KLHL10: variants seen among roughly 807,000 people sequenced by gnomAD.
KLHL10 encodes kelch-like protein 10.
KLHL10 carries 11 observed loss-of-function variants against 46.6 expected under a neutral mutation model. That is an observed-to-expected ratio of 0.24 (90% CI 0.15 to 0.39). KLHL10 has a LOEUF of 0.39. Among genes scored for constraint, KLHL10 ranks in the 10% least tolerant of loss-of-function variants. KLHL10 has a pLI of 1.00. For synonymous variants in KLHL10, 254 were observed against 279.1 expected, an observed-to-expected ratio of 0.91 and a Z score of 0.90; for missense variants, 475 against 789.8, an observed-to-expected ratio of 0.60 and a Z score of 4.78.
upstream of KLHL10, chr17:41,836,034 C>T (rs1555619950): frequency 1.4e-6 from 2 of 1,440,236 alleles, no homozygotes; most frequent in Non-Finnish European, 1.8e-6. Context: ...CGCTCGGGCG[C>T]GCGTGTGAGG....
rs1163494467 is a variant in KLHL10, at chr17:41,842,182, A to G, written c.554A>G (p.Glu185Gly). Residue 185 changes from glutamate (E) to glycine (G), a missense_variant, in exon 2 of 5, where the codon GAA (glutamate) becomes GGA (glycine). Physicochemically the swap from Glu to Gly is moderately conservative, Grantham distance 98. Coordinates refer to ENST00000293303, the MANE Select transcript of KLHL10 (RefSeq NM_152467.5). ...SAEFLELSVT[E>G]LKDIIEKDEL... ...GAATTTTTAGAGCTCTCGGTCACTG[A>G]ACTTAAGGATATCATTGAGAAAGAT... 6.2e-7 allele frequency: 1 copy of G among 1,614,196 alleles called. No homozygotes were observed. Among genetic ancestry groups the G allele is most frequent in the Admixed American group, 1.7e-5 (1 of 60,016 alleles).
At chr17:41,847,470 G>A in intron 4 of KLHL10, 60 bp downstream of exon 4, 2 of 1,564,296 alleles carry the variant, frequency 1.3e-6, no homozygotes, top group Non-Finnish European at 1.8e-6. Flanking sequence ...TTTTGTATTA[G>A]TAAATGGGTT....
intron 1 of KLHL10, among the ~76,000 whole-genome samples, chr17:41,840,146 C>G (rs1485021433): frequency 6.6e-6 from 1 of 152,150 alleles, no homozygotes; most frequent in Non-Finnish European, 1.5e-5. Flanking sequence ...CAGAAATAGA[C>G]CAAATAGTAA....
chr17:41,838,980 C>T (rs1178829143), intron 1 of KLHL10, among the ~76,000 whole-genome samples: 1 of 151,770 alleles, frequency 6.6e-6, no homozygotes, highest in East Asian at 1.9e-4. Flanking sequence ...TTAGCCACCG[C>T]GCCTGGCAAG....
upstream of KLHL10, chr17:41,836,177 C>T (rs2048154991): frequency 7.8e-7 from 1 of 1,285,210 alleles, no homozygotes; most frequent in African/African-American, 1.5e-5. Flanking sequence ...TTCCTCCCTC[C>T]TCACCTCCTC....
At chr17:41,839,693 A>G (rs1462395345) in intron 1 of KLHL10, among the ~76,000 whole-genome samples, 1 of 152,150 alleles carries the variant, frequency 6.6e-6, no homozygotes, top group Non-Finnish European at 1.5e-5. Context: ...TAGACCACAG[A>G]GCAGAGTCCA....
chr17:41,847,500 A>G (rs182695321), intron 4 of KLHL10, 90 bp downstream of exon 4: 42 of 1,441,986 alleles, frequency 2.9e-5, no homozygotes, highest in Non-Finnish European at 4.0e-5. Flanking sequence ...ATTGGTAAGT[A>G]TTTGAAAAGC....
chr17:41,847,182 C>G (rs756857726), intron 3 of KLHL10, 79 bp from the exon 4 acceptor site: 13 of 1,260,772 alleles, frequency 1.0e-5, no homozygotes, highest in Non-Finnish European at 1.5e-5. Context: ...GAATTAAGTG[C>G]CCACTACCAC....
At chr17:41,845,896 T>C in intron 3 of KLHL10, 153 bp downstream of exon 3, 1 of 949,380 alleles carries the variant, frequency 1.1e-6, no homozygotes, top group Non-Finnish European at 1.6e-6. Flanking sequence ...TAGTTGCAAC[T>C]GTCTTTTATG....
chr17:41,837,885 T>C lies in KLHL10; in HGVS notation c.-48T>C, dbSNP rs782813974. ...TGGCTAAAGGGGCCCCCCACAACCCTCCCCGACACCCTAGGAAAGCAGCCT... is the reference window on the plus strand; with the variant it reads ...TGGCTAAAGGGGCCCCCCACAACCCCCCCCGACACCCTAGGAAAGCAGCCT... On this transcript the variant is annotated 5_prime_UTR_variant, in exon 1 of 5. Transcript: ENST00000293303. 6.2e-7 allele frequency: 1 copy of C among 1,610,808 alleles called. No individual in the cohort carries two copies. The highest frequency in any genetic ancestry group is 2.2e-5 in the East Asian group (1 of 44,858).
chr17:41,840,995 T>C (rs1490630323), intron 1 of KLHL10, among the ~76,000 whole-genome samples: 2 of 151,588 alleles, frequency 1.3e-5, no homozygotes, highest in African/African-American at 4.8e-5. Flanking sequence ...CAAAAATCAG[T>C]TGAGCGTGGT....
chr17:41,848,192 T>TAGTA lies in KLHL10; in HGVS notation c.1713_1716dup (p.Pro573SerfsTer8). On this transcript the variant is annotated frameshift_variant, in exon 5 of 5. Transcript: ENST00000293303. LOFTEE classifies it high-confidence loss of function. ...TACCGCAGTGCTCTGAGCTGCTGTG[T>TAGTA]AGTACCAGGGCTGGCCAATGTTGAG... 6 of 1,614,170 alleles carry TAGTA rather than the reference T, an allele frequency of 3.7e-6. No homozygotes were observed. Among genetic ancestry groups the TAGTA allele is most frequent in the Non-Finnish European group, 5.1e-6 (6 of 1,180,042 alleles).
chr17:41,836,131 G>A, upstream of KLHL10: 1 of 1,322,748 alleles, frequency 7.6e-7, no homozygotes, highest in Non-Finnish European at 9.6e-7. Flanking sequence ...GAAGCGCCCC[G>A]GGGGTCGGAG....
chr17:41,838,159 G>T, intron 1 of KLHL10, 33 bp downstream of exon 1: 1 of 1,537,414 alleles, frequency 6.5e-7, no homozygotes, highest in Non-Finnish European at 9.0e-7. Context: ...AGCCAAAGGG[G>T]TAATTGGGCT....
At position 41,848,256 on chromosome 17, in the gene KLHL10, A is replaced by C; in HGVS notation, c.1776A>C (p.Ala592=). 1 of 1,613,820 alleles carries C rather than the reference A, an allele frequency of 6.2e-7. No homozygotes were observed. Among genetic ancestry groups the C allele is most frequent in the South Asian group, 1.1e-5 (1 of 91,074 alleles). Residue 592 remains alanine (A), a synonymous_variant, in exon 5 of 5, where the codon GCA becomes GCC. Coordinates refer to ENST00000293303, the MANE Select transcript of KLHL10 (RefSeq NM_152467.5). ...AARRDNFPGL[A]LRDEVKYSAS... Reference sequence around the variant, plus strand: ...GACGGGACAACTTCCCAGGATTAGCACTGCGAGATGAAGTAAAATATTCTG... The same window carrying C: ...GACGGGACAACTTCCCAGGATTAGCCCTGCGAGATGAAGTAAAATATTCTG...
At position 41,848,129 on chromosome 17, in the gene KLHL10, A is replaced by G. The variant is rs782327120; in HGVS notation, c.1649A>G (p.Lys550Arg). The change falls in exon 5 of 5, where the codon AAG (lysine) becomes AGG (arginine). Residue 550 changes from lysine (K) to arginine (R), a missense_variant. Physicochemically the swap from Lys to Arg is conservative, Grantham distance 26. Coordinates refer to ENST00000293303, the MANE Select transcript of KLHL10 (RefSeq NM_152467.5). ...TTTAATGTTGAGTGCTATGATGAAAAGACCGATGAGTGGTATGATGCTCAT... is the reference window on the plus strand; with the variant it reads ...TTTAATGTTGAGTGCTATGATGAAAGGACCGATGAGTGGTATGATGCTCAT... ...TTFNVECYDE[K>R]TDEWYDAHDM... 5 of 1,614,178 alleles carry G rather than the reference A, an allele frequency of 3.1e-6. No individual in the cohort carries two copies. Among genetic ancestry groups the G allele is most frequent in the Admixed American group, 1.7e-5 (1 of 60,014 alleles).
rs200355741 is a variant in KLHL10 at position 41,842,144 on chromosome 17, G to T, written c.516G>T (p.Val172=). Residue 172 remains valine, a synonymous_variant, in exon 2 of 5, where the codon GTG becomes GTT. Coordinates refer to ENST00000293303, the MANE Select transcript of KLHL10 (RefSeq NM_152467.5). ...MFILHNFEEM[V]KVSAEFLELS... The stretch of plus-strand genomic sequence containing the variant: ...TACTGCACAACTTTGAGGAGATGGT[G>T]AAAGTCTCGGCAGAATTTTTAGAGC... 5.2e-5 allele frequency: 84 copies of T among 1,614,058 alleles called. No individual in the cohort carries two copies. The highest frequency in any genetic ancestry group is 6.9e-5 in the Non-Finnish European group (81 of 1,180,046).
At chr17:41,842,744 C>T (rs1204072008) in intron 2 of KLHL10, among the ~76,000 whole-genome samples, 2 of 151,976 alleles carry the variant, frequency 1.3e-5, no homozygotes, top group African/African-American at 2.4e-5. Flanking sequence ...TCGAGACCAG[C>T]CTGGCCAACA....
chr17:41,840,845 G>A (rs1555620641), intron 1 of KLHL10, among the ~76,000 whole-genome samples: 1 of 152,100 alleles, frequency 6.6e-6, no homozygotes, highest in Non-Finnish European at 1.5e-5. Context: ...GCCGGGCATG[G>A]TGGCTCACCC....
Sources: allele counts gnomAD v4.1 joint callset (sites outside exome capture counted in the v4.1 genomes callset), GRCh38; gene constraint gnomAD v4.1.1; transcripts MANE v1.5; gene names NCBI Gene and HGNC (gene_info 2026-07-23, HGNC 2026-07-21).